The following UGT1A5 variants were observed in gnomAD, a reference collection of about 807,000 sequenced individuals.
The protein encoded by UGT1A5 is UDP-glucuronosyltransferase 1A5.
A neutral mutation model predicts 40.3 loss-of-function variants in UGT1A5; 29 were observed. That is an observed-to-expected ratio of 0.72 (90% CI 0.54 to 0.98). UGT1A5 has a LOEUF of 0.98. Among genes scored for constraint, UGT1A5 ranks in the 50% least tolerant of loss-of-function variants. The pLI, the probability that UGT1A5 is intolerant of heterozygous loss-of-function variation, is 0.00. For synonymous variants in UGT1A5, 257 were observed against 262.5 expected, an observed-to-expected ratio of 0.98 and a Z score of 0.20; for missense variants, 678 against 677.9, an observed-to-expected ratio of 1.00 and a Z score of 0.00.
chr2:233,733,827 G>A (rs1305233298), intron 1 of UGT1A5, among the ~76,000 whole-genome samples: 1 of 152,118 alleles, frequency 6.6e-6, no homozygotes, highest in African/African-American at 2.4e-5. Flanking sequence ...CATAAAATGA[G>A]TTAGGGAGGA....
At chr2:233,730,637 G>A (rs2078055755) in intron 1 of UGT1A5, among the ~76,000 whole-genome samples, 1 of 152,192 alleles carries the variant, frequency 6.6e-6, no homozygotes, top group African/African-American at 2.4e-5. Flanking sequence ...TCTGGTGCAT[G>A]ATGTGGGGAC....
intron 1 of UGT1A5, chr2:233,729,067 A>G (rs2077783738): frequency 6.2e-7 from 1 of 1,611,370 alleles, no homozygotes; most frequent in Admixed American, 1.7e-5. Context: ...AAGATGAAGA[A>G]AGCAAATGTA....
At chr2:233,761,518 T>C (rs780967719) in intron 1 of UGT1A5, among the ~76,000 whole-genome samples, 1 of 152,242 alleles carries the variant, frequency 6.6e-6, no homozygotes, top group African/African-American at 2.4e-5. Context: ...GCAGGCAATG[T>C]TCAGGACTGA....
chr2:233,750,128 G>T (rs1357269719), intron 1 of UGT1A5, among the ~76,000 whole-genome samples: 9 of 151,932 alleles, frequency 5.9e-5, no homozygotes, highest in African/African-American at 1.7e-4. Context: ...ATGTGGGAAA[G>T]TTTGGAACTT....
chr2:233,717,717 G>A (rs1199377056), intron 1 of UGT1A5: 3 of 454,162 alleles, frequency 6.6e-6, no homozygotes, highest in Non-Finnish European at 1.3e-5. Flanking sequence ...AGCCTCATGG[G>A]CATGAGACCA....
chr2:233,747,450 T>A, intron 1 of UGT1A5: 1 of 1,609,050 alleles, frequency 6.2e-7, no homozygotes, highest in Non-Finnish European at 8.5e-7. Flanking sequence ...CCTGACAACC[T>A]ATGCCATTTC....
At chr2:233,726,769 C>T (rs751538762) in intron 1 of UGT1A5, among the ~76,000 whole-genome samples, 7 of 152,200 alleles carry the variant, frequency 4.6e-5, no homozygotes, top group Non-Finnish European at 8.8e-5. Context: ...AGACACTAAG[C>T]TTAAAGTGAA....
chr2:233,739,341 C>T (rs1254802049), intron 1 of UGT1A5, among the ~76,000 whole-genome samples: 1 of 152,148 alleles, frequency 6.6e-6, no homozygotes, highest in Non-Finnish European at 1.5e-5. Flanking sequence ...TCCTTCAGAA[C>T]CCAGAAGGGC....
intron 1 of UGT1A5, among the ~76,000 whole-genome samples, chr2:233,745,365 T>C (rs1693089556): frequency 6.6e-6 from 1 of 151,880 alleles, no homozygotes; most frequent in Admixed American, 6.5e-5. Flanking sequence ...TTTTTTGAGA[T>C]CTGAGTTCTC....
intron 1 of UGT1A5, among the ~76,000 whole-genome samples, chr2:233,718,336 A>G (rs1383630356): frequency 6.6e-6 from 1 of 152,212 alleles, no homozygotes; most frequent in East Asian, 1.9e-4. Context: ...GCAATGTTGT[A>G]TGTCTTTTGG....
At chr2:233,718,634 G>A in intron 1 of UGT1A5, 1 of 1,457,400 alleles carries the variant, frequency 6.9e-7, no homozygotes, top group Non-Finnish European at 9.2e-7. Context: ...GTCTTTCCCA[G>A]GGTTGGGCCC....
intron 1 of UGT1A5, among the ~76,000 whole-genome samples, chr2:233,765,845 C>T (rs1255338105): frequency 6.6e-6 from 1 of 152,028 alleles, no homozygotes; most frequent in East Asian, 1.9e-4. Context: ...TCCTTGTCCC[C>T]CTCACAGAGC....
chr2:233,748,202 A>G (rs1693892993), intron 1 of UGT1A5: 1 of 1,528,284 alleles, frequency 6.5e-7, no homozygotes. Flanking sequence ...GCTTGTCGTA[A>G]TAGCCTTCAG....
At chr2:233,755,363 G>T (rs907026349) in intron 1 of UGT1A5, 4 of 363,278 alleles carry the variant, frequency 1.1e-5, no homozygotes. Flanking sequence ...GACCTGGGCC[G>T]CCTGGAGGGC....
intron 1 of UGT1A5, chr2:233,721,605 A>G: frequency 5.6e-6 from 1 of 177,388 alleles, no homozygotes; most frequent in Non-Finnish European, 1.2e-5. Context: ...AGGTTTAGGA[A>G]CAATTTGTTC....
rs200710764 is a variant in UGT1A5, at chr2:233,747,984, C to T, written c.868-19050C>T. ...CAGCCATGCATCTGTGTGGCTGTTC[C>T]GAGGGGACTTTGTGATGGATTACCC... On this transcript the variant is annotated intron_variant, in intron 1 of 4. Transcript: ENST00000373414. 917 of 1,613,424 alleles carry T rather than the reference C, an allele frequency of 5.7e-4. 5 individuals carry two copies. The highest frequency in any genetic ancestry group is 6.2e-4 in the Non-Finnish European group (735 of 1,179,898).
intron 1 of UGT1A5, among the ~76,000 whole-genome samples, chr2:233,717,439 G>A (rs542098595): frequency 2.9e-4 from 44 of 152,272 alleles, no homozygotes; most frequent in Non-Finnish European, 5.4e-4. Flanking sequence ...TCTGATGGAC[G>A]CATCCATTCA....
In UGT1A5 at chr2:233,756,891, T is replaced by C. The variant is rs11568316; in HGVS notation, c.868-10143T>C. ...TATTAGGTGTAATGAGGATGTGTTA[T>C]CTCACCAGAACAAACTTCTGAGTTT... On this transcript the variant is annotated intron_variant, in intron 1 of 4. Coordinates refer to ENST00000373414, the MANE Select transcript of UGT1A5 (RefSeq NM_019078.2). 4.5e-3 allele frequency among the ~76,000 whole-genome samples: 679 copies of C among 152,202 alleles called. 6 individuals carry two copies. Among genetic ancestry groups the C allele is most frequent in the African/African-American group, 0.016 (644 of 41,534 alleles).
intron 1 of UGT1A5, among the ~76,000 whole-genome samples, chr2:233,757,619 A>G (rs1437494515): frequency 1.3e-5 from 2 of 148,966 alleles, no homozygotes; most frequent in African/African-American, 2.5e-5. Flanking sequence ...CTGCTAAAAG[A>G]TACAAGGCAG....
Sources: gnomAD v4.1 joint callset for allele counts (sites outside exome capture counted in the v4.1 genomes callset) on GRCh38, gnomAD v4.1.1 for gene constraint, MANE v1.5 for transcripts, NCBI Gene and HGNC (gene_info 2026-07-23, HGNC 2026-07-21) for gene names.